PTPRD: variants seen among roughly 807,000 people sequenced by gnomAD.
PTPRD encodes protein tyrosine phosphatase receptor type D, also known as receptor-type tyrosine-protein phosphatase delta.
A neutral mutation model predicts 214.5 loss-of-function variants in PTPRD; 34 were observed. The ratio of observed to expected loss-of-function variants is 0.16; its 90% confidence interval spans 0.12 to 0.21. The LOEUF (loss-of-function observed/expected upper bound fraction) is 0.21. PTPRD is among the 10% of genes least tolerant of loss of function. The pLI is 1.00. For synonymous variants in PTPRD, 1,128 were observed against 845.7 expected, an observed-to-expected ratio of 1.33 and a Z score of -5.79; for missense variants, 2,545 against 2,398.7, an observed-to-expected ratio of 1.06 and a Z score of -1.27.
chr9:9,966,277 A>G (rs2094693234), intron 4 of PTPRD, among the ~76,000 whole-genome samples: 1 of 152,174 alleles, frequency 6.6e-6, no homozygotes, highest in Non-Finnish European at 1.5e-5. Context: ...CTATGCAATC[A>G]CCTAAGTTCA....
At chr9:10,604,640 G>A (rs992850542) in intron 2 of PTPRD, among the ~76,000 whole-genome samples, 1 of 151,686 alleles carries the variant, frequency 6.6e-6, no homozygotes, top group African/African-American at 2.4e-5. Context: ...ATGTTTCCTA[G>A]GAGAAAACAA....
At chr9:8,818,345 T>C (rs1176333182) in intron 11 of PTPRD, among the ~76,000 whole-genome samples, 1 of 152,146 alleles carries the variant, frequency 6.6e-6, no homozygotes, top group Non-Finnish European at 1.5e-5. Flanking sequence ...GGCAGAGAGA[T>C]AAAAGAAGAA....
At chr9:10,568,479 C>G (rs902632057) in intron 2 of PTPRD, among the ~76,000 whole-genome samples, 1 of 151,958 alleles carries the variant, frequency 6.6e-6, no homozygotes, top group African/African-American at 2.4e-5. Flanking sequence ...TGGGTATATA[C>G]CCAGTAATGG....
chr9:9,024,874 T>C (rs2154372317), intron 10 of PTPRD, among the ~76,000 whole-genome samples: 1 of 152,072 alleles, frequency 6.6e-6, no homozygotes, highest in East Asian at 1.9e-4. Flanking sequence ...AGAATTAACA[T>C]ATGCCAAGAT....
chr9:10,330,022 C>T (rs2096720596), intron 3 of PTPRD, among the ~76,000 whole-genome samples: 1 of 151,766 alleles, frequency 6.6e-6, no homozygotes, highest in African/African-American at 2.4e-5. Context: ...CTCTAGTAGA[C>T]ATCTATAGAA....
At chr9:8,772,864 T>C (rs1416183282) in intron 11 of PTPRD, among the ~76,000 whole-genome samples, 2 of 152,136 alleles carry the variant, frequency 1.3e-5, no homozygotes, top group African/African-American at 4.8e-5. Context: ...CCTATAAATA[T>C]TCTTGCTTTT....
intron 4 of PTPRD, among the ~76,000 whole-genome samples, chr9:10,022,774 C>A (rs900121053): frequency 6.6e-6 from 1 of 152,094 alleles, no homozygotes. Context: ...TAAAGGGGAG[C>A]CAAAATGCTG....
intron 33 of PTPRD, among the ~76,000 whole-genome samples, chr9:8,451,167 G>C (rs574968875): frequency 6.6e-6 from 1 of 152,286 alleles, no homozygotes; most frequent in Non-Finnish European, 1.5e-5. Context: ...CAAAGGGGAC[G>C]TGCACATGAT....
chr9:9,117,946 G>GT lies in PTPRD; in HGVS notation c.-143+65357dup, dbSNP rs567323453. Among the ~76,000 whole-genome samples, 47 of 152,092 alleles carry GT rather than the reference G, an allele frequency of 3.1e-4. No homozygotes were observed. The South Asian group carries it at 9.1e-3, about 30-fold the overall frequency. ...CTGAAGTTTACACGATGTTGATGCT[G>GT]TTTTTTTGGAAAAATAAATTTTAAA... On this transcript the variant is annotated intron_variant, in intron 10 of 45. Coordinates refer to ENST00000381196, the MANE Select transcript of PTPRD (RefSeq NM_002839.4).
intron 4 of PTPRD, among the ~76,000 whole-genome samples, chr9:10,013,089 C>G (rs1423797233): frequency 6.6e-6 from 1 of 151,858 alleles, no homozygotes; most frequent in Non-Finnish European, 1.5e-5. Flanking sequence ...TTCAATTACA[C>G]AAATTCAAAG....
chr9:10,598,672 GTA>G (rs1491009738), intron 2 of PTPRD, among the ~76,000 whole-genome samples: 838 of 68,140 alleles, frequency 0.012, 9 homozygotes, highest in East Asian at 0.045. Flanking sequence ...TTTTATATAT[GTA>G]TGTGTGTGTG....
intron 7 of PTPRD, among the ~76,000 whole-genome samples, chr9:9,733,223 A>G (rs923127784): frequency 2.0e-5 from 3 of 152,216 alleles, no homozygotes; most frequent in Non-Finnish European, 4.4e-5. Context: ...GGAATAAGAC[A>G]GAGAGAAATA....
intron 5 of PTPRD, among the ~76,000 whole-genome samples, chr9:9,829,368 G>A (rs1346159459): frequency 6.6e-6 from 1 of 151,688 alleles, no homozygotes; most frequent in African/African-American, 2.4e-5. Context: ...TTTATTCATG[G>A]GTATTAAGCT....
chr9:10,503,207 A>AAAAAAAAAAAAAAAAAAAAAAC (rs1566569990), intron 2 of PTPRD, among the ~76,000 whole-genome samples: 1 of 97,400 alleles, frequency 1.0e-5, no homozygotes, highest in Non-Finnish European at 2.0e-5. Flanking sequence ...AAAAAAAAAA[A>AAAAAAAAAAAAAAAAAAAAAAC]CAAAAAAAAA....
chr9:8,680,008 G>A (rs948209570), intron 12 of PTPRD, among the ~76,000 whole-genome samples: 1 of 152,014 alleles, frequency 6.6e-6, no homozygotes, highest in Non-Finnish European at 1.5e-5. Flanking sequence ...ATGTAATCCA[G>A]TACAGTAACA....
chr9:8,331,094 T>C (rs189250809), intron 44 of PTPRD, among the ~76,000 whole-genome samples: 398 of 136,242 alleles, frequency 2.9e-3, no homozygotes, highest in African/African-American at 0.012. Context: ...TTTTCTGATA[T>C]AGCAACAATT....
intron 3 of PTPRD, among the ~76,000 whole-genome samples, chr9:10,040,567 A>G (rs2097278141): frequency 6.6e-6 from 1 of 152,082 alleles, no homozygotes; most frequent in Non-Finnish European, 1.5e-5. Flanking sequence ...AGGGAGAATC[A>G]GCAGCAAGCT....
At chr9:9,452,436 A>G (rs1040776026) in intron 8 of PTPRD, among the ~76,000 whole-genome samples, 30 of 151,536 alleles carry the variant, frequency 2.0e-4, no homozygotes, top group African/African-American at 6.8e-4. Context: ...GAATAATGGG[A>G]AAAAATACTG....
chr9:9,047,374 G>T (rs1198618003), intron 10 of PTPRD, among the ~76,000 whole-genome samples: 1 of 151,994 alleles, frequency 6.6e-6, no homozygotes, highest in Non-Finnish European at 1.5e-5. Flanking sequence ...AAATACCAAT[G>T]ACATTTTTTA....
Sources: allele counts gnomAD v4.1 joint callset (sites outside exome capture counted in the v4.1 genomes callset), GRCh38; gene constraint gnomAD v4.1.1; transcripts MANE v1.5; gene names NCBI Gene and HGNC (gene_info 2026-07-23, HGNC 2026-07-21).